DYNC1I2: variants seen among roughly 807,000 people sequenced by gnomAD.
The protein encoded by DYNC1I2 is cytoplasmic dynein 1 intermediate chain 2.
Under a neutral mutation model 88.6 loss-of-function variants are expected in DYNC1I2, and 53 were observed. The ratio of observed to expected loss-of-function variants is 0.60; its 90% CI spans 0.48 to 0.75. The LOEUF is 0.75. Ranked by LOEUF, DYNC1I2 falls within the 30% of genes least tolerant of loss-of-function variation. DYNC1I2 has a pLI of 0.00. For synonymous variants in DYNC1I2, 198 were observed against 254.6 expected (o/e 0.78, Z 2.12); for missense variants, 458 against 766.6 (o/e 0.60, Z 4.75).
intron 5 of DYNC1I2, 165 bp from the exon 6 acceptor site, chr2:171,712,602 T>A (rs1687200114): frequency 3.5e-6 from 2 of 566,538 alleles, no homozygotes; most frequent in Non-Finnish European, 6.2e-6. Context: ...AGTGACCTGG[T>A]GGATTTCTTG....
chr2:171,706,846 C>A, intron 4 of DYNC1I2: 1 of 411,752 alleles, frequency 2.4e-6, no homozygotes, highest in South Asian at 5.0e-5. Context: ...TCTTGAGAAA[C>A]TAGAGATTAA....
At chr2:171,705,919 A>C (rs922401274) in intron 3 of DYNC1I2, among the ~76,000 whole-genome samples, 3 of 151,458 alleles carry the variant, frequency 2.0e-5, no homozygotes, top group African/African-American at 7.3e-5. Context: ...TCTAGTTGTG[A>C]TTTTTTTTTC....
At chr2:171,689,706 C>A (rs1048802123) in intron 1 of DYNC1I2, among the ~76,000 whole-genome samples, 1 of 151,392 alleles carries the variant, frequency 6.6e-6, no homozygotes, top group South Asian at 2.1e-4. Context: ...TATATGCTTC[C>A]TTTATTTTAT....
At chr2:171,705,940 A>C (rs540619344) in intron 3 of DYNC1I2, among the ~76,000 whole-genome samples, 1 of 151,894 alleles carries the variant, frequency 6.6e-6, no homozygotes, top group Non-Finnish European at 1.5e-5. Context: ...TTATAATCTT[A>C]TTGGTGTCAA....
chr2:171,712,624 ATT>A (rs5836347), intron 5 of DYNC1I2, 141 bp from the exon 6 acceptor site: 1,447 of 507,982 alleles, frequency 2.8e-3, no homozygotes, highest in Non-Finnish European at 3.4e-3. Flanking sequence ...TTTGTTTTCG[ATT>A]TTTTTTTTTT....
At chr2:171,720,031 ATTT>A (rs36082906) in intron 7 of DYNC1I2, among the ~76,000 whole-genome samples, 3 of 141,872 alleles carry the variant, frequency 2.1e-5, no homozygotes, top group Non-Finnish European at 1.5e-5. Context: ...TTCTGTATGG[ATTT>A]TTTTTTTTTT....
intron 5 of DYNC1I2, among the ~76,000 whole-genome samples, chr2:171,707,960 T>C (rs1254122339): frequency 6.6e-6 from 1 of 152,160 alleles, no homozygotes; most frequent in African/African-American, 2.4e-5. Context: ...TGTTTTAGGA[T>C]CCTGCATACA....
intron 15 of DYNC1I2, among the ~76,000 whole-genome samples, chr2:171,730,097 C>T (rs904555881): frequency 6.6e-6 from 1 of 152,158 alleles, no homozygotes; most frequent in African/African-American, 2.4e-5. Flanking sequence ...TCAGTCTTTT[C>T]GAGCATGTAA....
chr2:171,725,576 C>CT, intron 7 of DYNC1I2, 42 bp from the exon 8 acceptor site: 1 of 1,175,798 alleles, frequency 8.5e-7, no homozygotes, highest in Admixed American at 3.1e-5. Flanking sequence ...TTATATCATT[C>CT]TGTTTTTTTG....
intron 7 of DYNC1I2, among the ~76,000 whole-genome samples, chr2:171,724,297 A>G (rs1688094164): frequency 6.6e-6 from 1 of 152,224 alleles, no homozygotes; most frequent in Non-Finnish European, 1.5e-5. Flanking sequence ...TAAACCTAAC[A>G]GTATGTGTGT....
chr2:171,749,322 G>T lies in DYNC1I2; in HGVS notation c.*1433G>T, dbSNP rs1689974060. Among the ~76,000 whole-genome samples, 2 of 152,026 alleles carry T rather than the reference G, an allele frequency of 1.3e-5. No individual in the cohort carries two copies. Among genetic ancestry groups the T allele is most frequent in the Admixed American group, 1.3e-4 (2 of 15,276 alleles). ...TCTTTCAGCTCTACTCAATTAAGGG[G>T]TATCAGTATGTGAAATGGAATATAG... On this transcript the variant is annotated 3_prime_UTR_variant, in exon 18 of 18. Coordinates refer to ENST00000397119, the MANE Select transcript of DYNC1I2 (RefSeq NM_001378.3).
chr2:171,742,403 C>T (rs943204234), intron 15 of DYNC1I2, among the ~76,000 whole-genome samples: 8 of 152,146 alleles, frequency 5.3e-5, no homozygotes, highest in African/African-American at 1.9e-4. Context: ...AACTCCTGAG[C>T]TCATGTGATC....
intron 1 of DYNC1I2, among the ~76,000 whole-genome samples, chr2:171,689,007 A>T (rs1685185219): frequency 6.9e-6 from 1 of 144,814 alleles, no homozygotes; most frequent in Non-Finnish European, 1.5e-5. Flanking sequence ...TAGGCTACTT[A>T]AAAAAAAAAA....
Position 171,687,591 on chromosome 2 carries a change from T to A in DYNC1I2, c.-46T>A, listed in dbSNP as rs943680737. The A allele has an allele frequency of 2.0e-5, 3 of 152,130 alleles. No individual in the cohort carries two copies. The highest frequency in any genetic ancestry group is 1.3e-4 in the Admixed American group (2 of 15,274). 9.4% of individuals were successfully genotyped at this position (152,130 alleles called of 1,614,324 possible). A position where few individuals can be genotyped will look rare whatever the true frequency, so the allele number is the denominator to read the frequency against. On this transcript the variant is annotated 5_prime_UTR_variant, in exon 1 of 18. Coordinates refer to ENST00000397119, the MANE Select transcript of DYNC1I2 (RefSeq NM_001378.3). ...ACTTAAGGCCCCTGGGTTGACTGGG[T>A]TCTTTGTTTTATCTACCGGCTTCTG... is the stretch of plus-strand genomic sequence containing the variant.
intron 3 of DYNC1I2, among the ~76,000 whole-genome samples, chr2:171,705,129 A>G (rs1398214802): frequency 6.6e-6 from 1 of 152,142 alleles, no homozygotes; most frequent in Non-Finnish European, 1.5e-5. Flanking sequence ...AACTGTGATA[A>G]TATGGTAGCA....
At chr2:171,729,042 T>C (rs1286678971) in intron 14 of DYNC1I2, among the ~76,000 whole-genome samples, 192 bp downstream of exon 14, 1 of 152,160 alleles carries the variant, frequency 6.6e-6, no homozygotes, top group African/African-American at 2.4e-5. Flanking sequence ...ATGATGTGTT[T>C]AGATTTTGTG....
chr2:171,690,235 G>C lies in DYNC1I2; in HGVS notation c.80G>C (p.Arg27Thr). The stretch of plus-strand genomic sequence containing the variant: ...GCCCAAATCAGAGAGGAAAAGAAGA[G>C]AAAAGAAGAAGAAAGGAAAAAAAAA... Reference protein sequence around the residue: ...RLAQIREEKKRKEEERKKKET... With the variant: ...RLAQIREEKKTKEEERKKKET... The change falls in exon 2 of 18, where the codon AGA becomes ACA. Residue 27 changes from arginine to threonine, a missense_variant. This residue lies in a region of DYNC1I2 where 10 missense variants were observed against 34.1 expected (regional missense o/e 0.29). Coordinates refer to ENST00000397119, the MANE Select transcript of DYNC1I2 (RefSeq NM_001378.3). 1 of 1,541,442 alleles carries C rather than the reference G, an allele frequency of 6.5e-7. No homozygotes were observed. The highest frequency in any genetic ancestry group is 1.2e-5 in the South Asian group (1 of 81,494).
chr2:171,709,891 AT>A (rs1686974038), intron 5 of DYNC1I2, among the ~76,000 whole-genome samples: 1 of 151,988 alleles, frequency 6.6e-6, no homozygotes, highest in African/African-American at 2.4e-5. Context: ...CTAATTTTGT[AT>A]TTTTAGTAAA....
chr2:171,701,713 G>A (rs964571595), intron 3 of DYNC1I2, among the ~76,000 whole-genome samples: 14 of 152,224 alleles, frequency 9.2e-5, no homozygotes, highest in Admixed American at 2.0e-4. Flanking sequence ...TTTAAACTTT[G>A]TTGAGTATTT....
Sources: gnomAD v4.1 joint callset for allele counts (sites outside exome capture counted in the v4.1 genomes callset) on GRCh38, gnomAD v4.1.1 for gene constraint, gnomAD v4.1.1 regional missense constraint, MANE v1.5 for transcripts, NCBI Gene and HGNC (gene_info 2026-07-23, HGNC 2026-07-21) for gene names.